Variants in CCDC39 observed in about 807,000 individuals in gnomAD.
The protein encoded by CCDC39 is coiled-coil domain 39 molecular ruler complex subunit, also known as coiled-coil domain-containing protein 39.
CCDC39 carries 113 observed loss-of-function variants against 121.0 expected under a neutral mutation model. The observed-to-expected ratio is 0.93, with a 90% CI of 0.80 to 1.09. The LOEUF (loss-of-function observed/expected upper bound fraction) is 1.09, where lower values mean the gene tolerates loss of function less well. Among genes scored for constraint, CCDC39 ranks in the 50% least tolerant of loss-of-function variants. The pLI is 0.00. For missense variants in CCDC39, 1,063 were observed against 1,074.7 expected (o/e 0.99, Z 0.15); for synonymous variants, 349 against 352.2 (o/e 0.99, Z 0.10).
intron 16 of CCDC39, chr3:180,617,681 C>A: frequency 2.5e-6 from 1 of 393,442 alleles, no homozygotes; most frequent in Non-Finnish European, 4.5e-6. Context: ...TATTTTTGTG[C>A]AGTTGAACAA....
At chr3:180,642,353 G>A (rs1176500674) in intron 12 of CCDC39, among the ~76,000 whole-genome samples, 152 bp from the exon 13 acceptor site, 7 of 145,480 alleles carry the variant, frequency 4.8e-5, no homozygotes, top group Admixed American at 1.4e-4. Context: ...ATTGATCATA[G>A]TTTTTTTTTT....
chr3:180,665,875 T>A (rs1183235153), intron 1 of CCDC39, among the ~76,000 whole-genome samples: 1 of 152,080 alleles, frequency 6.6e-6, no homozygotes, highest in Non-Finnish European at 1.5e-5. Context: ...TAATCTATTA[T>A]AAATTCTATT....
At chr3:180,623,651 G>A (rs1428049713) in intron 14 of CCDC39, among the ~76,000 whole-genome samples, 1 of 151,878 alleles carries the variant, frequency 6.6e-6, no homozygotes, top group African/African-American at 2.4e-5. Flanking sequence ...GGTATGTTGT[G>A]TATCCATTTT....
rs1438974373 is a variant in CCDC39, at chr3:180,658,424, C to T, written c.738+1028G>A. ...TCCTGGCTAACACACGGTGAAACCCCGTCTCTACTAAAAATCCAAAAAAAT... is the reference window on the plus strand; with the variant it reads ...TCCTGGCTAACACACGGTGAAACCCTGTCTCTACTAAAAATCCAAAAAAAT... On this transcript the variant is annotated intron_variant, in intron 6 of 19. Transcript: ENST00000476379. Among the ~76,000 whole-genome samples the T allele has an allele frequency of 8.6e-5, 13 of 151,720 alleles. No homozygotes were observed. The East Asian group carries it at 2.1e-3, about 25-fold the overall frequency.
At chr3:180,664,345 T>C (rs75996949) in intron 1 of CCDC39, among the ~76,000 whole-genome samples, 5,881 of 152,234 alleles carry the variant, frequency 0.039, 391 homozygotes, top group African/African-American at 0.14. Context: ...TCATGAGGGC[T>C]CTACCTCTAT....
intron 14 of CCDC39, among the ~76,000 whole-genome samples, chr3:180,627,372 G>A (rs1717588652): frequency 6.6e-6 from 1 of 152,108 alleles, no homozygotes; most frequent in African/African-American, 2.4e-5. Context: ...AAAATGAGCT[G>A]GAATGAGCCA....
At chr3:180,674,070 G>A (rs1712124070) in intron 1 of CCDC39, among the ~76,000 whole-genome samples, 2 of 152,106 alleles carry the variant, frequency 1.3e-5, no homozygotes, top group Non-Finnish European at 2.9e-5. Context: ...ACCTTGTGCA[G>A]TATGGCCATT....
chr3:180,628,234 G>A (rs1040108770), intron 14 of CCDC39, among the ~76,000 whole-genome samples: 31 of 151,856 alleles, frequency 2.0e-4, no homozygotes, highest in African/African-American at 7.5e-4. Context: ...TTTTTGAGAC[G>A]GAGTCTCACT....
At position 180,647,099 on chromosome 3, in the gene CCDC39, T is replaced by C. The variant is rs761562741; in HGVS notation, c.1507A>G (p.Thr503Ala). The C allele has an allele frequency of 1.4e-5, 22 of 1,607,664 alleles. No individual in the cohort carries two copies. The highest frequency in any genetic ancestry group is 1.9e-5 in the Non-Finnish European group (22 of 1,178,146). The change falls in exon 11 of 20, where the codon ACA (threonine) becomes GCA (alanine). Residue 503 changes from threonine to alanine, a missense_variant. Coordinates refer to ENST00000476379, the MANE Select transcript of CCDC39 (RefSeq NM_181426.2). ...GTTACATGAAGCTTCTTGATCTGTG[T>C]TTCCAAAAGGCCACATGTAGATTTT... The part of the protein sequence containing the change: ...EKKSTCGLLE[T>A]QIKKLHNDLY...
chr3:180,649,583 G>C (rs1245805764), intron 9 of CCDC39, among the ~76,000 whole-genome samples: 1 of 152,110 alleles, frequency 6.6e-6, no homozygotes, highest in Non-Finnish European at 1.5e-5. Flanking sequence ...GCCTGGCAGA[G>C]TTTTAAAGCC....
intron 6 of CCDC39, among the ~76,000 whole-genome samples, chr3:180,657,130 A>G (rs16831825): frequency 0.041 from 6,180 of 152,280 alleles, 437 homozygotes; most frequent in African/African-American, 0.14. Flanking sequence ...TGGTAACAGT[A>G]TGAAAATAAT....
Position 180,654,969 on chromosome 3 carries a change from A to G in CCDC39, c.739-16T>C. 2 of 1,444,402 alleles carry G rather than the reference A, an allele frequency of 1.4e-6. No individual in the cohort carries two copies. The highest frequency in any genetic ancestry group is 1.8e-6 in the Non-Finnish European group (2 of 1,083,370). The allele number at this position is 1,444,402 out of a possible 1,614,324, so 89.5% of individuals were successfully genotyped here. A position where few individuals can be genotyped will look rare whatever the true frequency, so the allele number is the denominator to read the frequency against. ...TTGCTAATTCCTAGGATTAAAACAA[A>G]TATGTTTACTTAAATATATGTTTAA... On this transcript the variant is annotated splice_polypyrimidine_tract_variant and intron_variant, in intron 6 of 19. Coordinates refer to ENST00000476379, the MANE Select transcript of CCDC39 (RefSeq NM_181426.2).
chr3:180,652,658 C>T (rs1020224497), intron 7 of CCDC39, among the ~76,000 whole-genome samples: 1 of 152,064 alleles, frequency 6.6e-6, no homozygotes, highest in East Asian at 1.9e-4. Flanking sequence ...CTAATAACTA[C>T]ATTTTACTGT....
chr3:180,637,961 A>C (rs1461843413), intron 13 of CCDC39, among the ~76,000 whole-genome samples: 2 of 152,078 alleles, frequency 1.3e-5, no homozygotes, highest in East Asian at 3.9e-4. Context: ...AAAACAGAAA[A>C]AATAACTATT....
intron 13 of CCDC39, among the ~76,000 whole-genome samples, chr3:180,633,445 T>C (rs963697154): frequency 6.6e-6 from 1 of 151,878 alleles, no homozygotes; most frequent in Non-Finnish European, 1.5e-5. Context: ...GCTATGAAAA[T>C]AAAGGACTAA....
intron 14 of CCDC39, among the ~76,000 whole-genome samples, chr3:180,628,744 A>G (rs1275441978): frequency 4.6e-5 from 7 of 152,212 alleles, no homozygotes; most frequent in Non-Finnish European, 8.8e-5. Context: ...ACTTACTTAC[A>G]AAACAAGTGG....
intron 14 of CCDC39, among the ~76,000 whole-genome samples, chr3:180,624,481 T>C (rs1717506079): frequency 6.6e-6 from 1 of 152,224 alleles, no homozygotes; most frequent in Non-Finnish European, 1.5e-5. Context: ...TTATAAATTA[T>C]TTCTTTTTTT....
At chr3:180,620,251 A>C (rs1159549704) in intron 14 of CCDC39, among the ~76,000 whole-genome samples, 2 of 152,038 alleles carry the variant, frequency 1.3e-5, no homozygotes, top group African/African-American at 2.4e-5. Context: ...AAAAATTGCC[A>C]AAGAGTTAAT....
chr3:180,630,449 G>T (rs993138497), intron 14 of CCDC39, among the ~76,000 whole-genome samples: 1 of 152,050 alleles, frequency 6.6e-6, no homozygotes, highest in African/African-American at 2.4e-5. Context: ...AAGAGCTACA[G>T]GAGAAAATTT....
Sources: gnomAD v4.1 joint callset for allele counts (sites outside exome capture counted in the v4.1 genomes callset) on GRCh38, gnomAD v4.1.1 for gene constraint, MANE v1.5 for transcripts, NCBI Gene and HGNC (gene_info 2026-07-23, HGNC 2026-07-21) for gene names.